Variants in KRABD2 observed in about 807,000 individuals in gnomAD.
KRABD2 encodes the protein KRAB domain-containing protein 2.
At chr17:8,367,335 A>G in the KRABD2 span, 1 of 152,098 alleles carries the variant, frequency 6.6e-6, no homozygotes, top group Admixed American at 6.5e-5. Flanking sequence ...CGTCTCTACT[A>G]AAAATACAAA....
the KRABD2 span, among the ~76,000 whole-genome samples, chr17:8,365,126 C>T: frequency 1.3e-5 from 2 of 152,190 alleles, no homozygotes; most frequent in African/African-American, 4.8e-5. Context: ...CTCTATTCCA[C>T]ATGCTGAAAT....
the KRABD2 span, chr17:8,365,509 A>G: frequency 2.6e-5 from 4 of 152,194 alleles, no homozygotes; most frequent in Non-Finnish European, 5.9e-5. Flanking sequence ...CTGGAAAGTG[A>G]TGTCACTTCC....
At chr17:8,369,782 C>G in the KRABD2 span, 1 of 1,614,212 alleles carries the variant, frequency 6.2e-7, no homozygotes, top group Admixed American at 1.7e-5. Context: ...TGAACTTGAA[C>G]TCACCATCGG....
chr17:8,376,644 G>A, the KRABD2 span: 2 of 985,458 alleles, frequency 2.0e-6, no homozygotes, highest in Non-Finnish European at 2.4e-6. Context: ...AAGGAGAAAG[G>A]GACACACCAG....
the KRABD2 span, among the ~76,000 whole-genome samples, chr17:8,364,756 G>A: frequency 2.0e-5 from 3 of 152,034 alleles, no homozygotes; most frequent in Non-Finnish European, 4.4e-5. This position sits in a 1 kb window ranked among gnomAD's most constrained non-coding sequence, Gnocchi z 4.4. Flanking sequence ...TTAAAATGCC[G>A]GGCACCATGG....
the KRABD2 span, among the ~76,000 whole-genome samples, chr17:8,363,826 C>CATATAT: frequency 2.3e-3 from 124 of 54,076 alleles, 2 homozygotes; most frequent in Non-Finnish European, 2.9e-3. Context: ...ATATATATAT[C>CATATAT]ATACATATAT....
chr17:8,370,275 A>G, the KRABD2 span: 1 of 1,613,142 alleles, frequency 6.2e-7, no homozygotes. Flanking sequence ...TACACTCATA[A>G]GAAACTTTTC....
the KRABD2 span, chr17:8,376,236 C>T: frequency 8.1e-7 from 1 of 1,230,530 alleles, no homozygotes; most frequent in Non-Finnish European, 1.0e-6. Flanking sequence ...TCGTTATTAG[C>T]AAGGTAGAGC....
the KRABD2 span, among the ~76,000 whole-genome samples, chr17:8,364,783 C>T: frequency 6.6e-6 from 1 of 151,964 alleles, no homozygotes; most frequent in Non-Finnish European, 1.5e-5. This position sits in a 1 kb window ranked among gnomAD's most constrained non-coding sequence, Gnocchi z 4.4. Flanking sequence ...TCTGTAATCT[C>T]AGCACTTTGG....
At chr17:8,369,309 G>A in the KRABD2 span, 3,464 of 1,614,144 alleles carry the variant, frequency 2.1e-3, 62 homozygotes, top group African/African-American at 0.041. Context: ...CTCTTCTTCC[G>A]TTTGTAAAGT....
At chr17:8,370,116 G>A in the KRABD2 span, 17 of 1,614,010 alleles carry the variant, frequency 1.1e-5, no homozygotes, top group Non-Finnish European at 1.1e-5. Flanking sequence ...GCCCTGTACA[G>A]AGATCACATC....
the KRABD2 span, among the ~76,000 whole-genome samples, chr17:8,373,150 T>TCC: frequency 5.3e-5 from 1 of 18,848 alleles, no homozygotes; most frequent in African/African-American, 1.8e-4. Flanking sequence ...TCTCTCCCTC[T>TCC]CTCCGTCTCC....
the KRABD2 span, chr17:8,371,367 A>T: frequency 6.2e-7 from 1 of 1,614,194 alleles, no homozygotes; most frequent in South Asian, 1.1e-5. Flanking sequence ...AATCCTTTTG[A>T]GAGCCTTCTA....
At chr17:8,361,203 A>G in the KRABD2 span, among the ~76,000 whole-genome samples, 1 of 152,152 alleles carries the variant, frequency 6.6e-6, no homozygotes, top group African/African-American at 2.4e-5. Context: ...TCTTCTCTCC[A>G]TCTCGGAAGT....
the KRABD2 span, chr17:8,375,881 G>A: frequency 4.0e-5 from 49 of 1,226,614 alleles, no homozygotes; most frequent in Non-Finnish European, 4.9e-5. Flanking sequence ...CCAAAGCCAT[G>A]TTTACTCCCT....
At chr17:8,376,124 G>GCTT in the KRABD2 span, 1 of 1,231,660 alleles carries the variant, frequency 8.1e-7, no homozygotes, top group South Asian at 4.1e-5. Context: ...AGGGACGGAG[G>GCTT]CTTCTACCTG....
the KRABD2 span, chr17:8,376,097 T>C: frequency 2.4e-6 from 3 of 1,231,708 alleles, no homozygotes; most frequent in South Asian, 4.1e-5. Flanking sequence ...AGTTCAGATA[T>C]ATACAACCTA....
the KRABD2 span, chr17:8,369,329 T>A: frequency 6.2e-7 from 1 of 1,614,268 alleles, no homozygotes. Context: ...TAGCCACAGT[T>A]TCCCGGGGCA....
chr17:8,370,054 A>C, the KRABD2 span: 1 of 1,614,108 alleles, frequency 6.2e-7, no homozygotes, highest in Admixed American at 1.7e-5. Flanking sequence ...TTATGTACAT[A>C]ATACCGTATT....
Sources: gnomAD v4.1 joint callset for allele counts (sites outside exome capture counted in the v4.1 genomes callset) on GRCh38, gnomAD v4.1.1 for gene constraint, Gnocchi (gnomAD v3.1) non-coding constraint, MANE v1.5 for transcripts, NCBI Gene and HGNC (gene_info 2026-07-23, HGNC 2026-07-21) for gene names.